FRAS1: variants seen among roughly 807,000 people sequenced by gnomAD.
FRAS1 encodes extracellular matrix organizing protein FRAS1.
Under a neutral mutation model 435.2 loss-of-function variants are expected in FRAS1, and 290 were observed. The observed-to-expected ratio is 0.67, with a 90% CI of 0.61 to 0.73. The LOEUF (loss-of-function observed/expected upper bound fraction) is 0.73. Among genes scored for constraint, FRAS1 ranks in the 30% least tolerant of loss-of-function variants. FRAS1 has a pLI of 0.00. For missense variants in FRAS1, 4,860 were observed against 5,001.5 expected, an observed-to-expected ratio of 0.97 and a Z score of 0.85; for synonymous variants, 1,800 against 1,851.0, an observed-to-expected ratio of 0.97 and a Z score of 0.71.
At chr4:78,143,754 A>T (rs919256949) in intron 2 of FRAS1, among the ~76,000 whole-genome samples, 4 of 151,334 alleles carry the variant, frequency 2.6e-5, no homozygotes, top group African/African-American at 7.3e-5. Context: ...AAAAAAAAAA[A>T]ATAGCTAAGT....
intron 23 of FRAS1, among the ~76,000 whole-genome samples, chr4:78,371,385 G>A (rs376984339): frequency 1.6e-3 from 238 of 152,250 alleles, no homozygotes; most frequent in African/African-American, 5.5e-3. Flanking sequence ...CAGTTTCTTA[G>A]CAGGAATGGA....
At chr4:78,371,784 T>C (rs774303266) in intron 23 of FRAS1, among the ~76,000 whole-genome samples, 7 of 152,228 alleles carry the variant, frequency 4.6e-5, no homozygotes, top group Non-Finnish European at 1.0e-4. Flanking sequence ...ATGAGTTTTC[T>C]GACTGCGTCA....
intron 6 of FRAS1, among the ~76,000 whole-genome samples, chr4:78,264,183 A>C (rs573606406): frequency 1.3e-5 from 2 of 152,340 alleles, no homozygotes; most frequent in African/African-American, 4.8e-5. Context: ...GTGATAAGTC[A>C]AAGTGAGAGG....
chr4:78,196,932 A>C (rs1722837743), intron 2 of FRAS1, among the ~76,000 whole-genome samples: 1 of 152,194 alleles, frequency 6.6e-6, no homozygotes, highest in African/African-American at 2.4e-5. Flanking sequence ...GAGAATGAGC[A>C]AAAATTGGTT....
At chr4:78,290,421 C>A (rs975240910) in intron 14 of FRAS1, among the ~76,000 whole-genome samples, 3 of 151,946 alleles carry the variant, frequency 2.0e-5, no homozygotes, top group Admixed American at 6.6e-5. Context: ...GCTAAACCAC[C>A]TGGACCACCT....
At chr4:78,446,990 C>G in intron 43 of FRAS1, 110 bp downstream of exon 43, 1 of 1,064,168 alleles carries the variant, frequency 9.4e-7, no homozygotes, top group East Asian at 2.7e-5. Context: ...ATGGTACATT[C>G]TTTGCATCAA....
At chr4:78,197,418 AATC>A (rs1722862997) in intron 2 of FRAS1, among the ~76,000 whole-genome samples, 1 of 152,230 alleles carries the variant, frequency 6.6e-6, no homozygotes, top group Non-Finnish European at 1.5e-5. Context: ...TAGTTTTTTT[AATC>A]ATCATCTTCA....
At chr4:78,409,015 GC>G (rs1733215057) in intron 31 of FRAS1, among the ~76,000 whole-genome samples, 1 of 72,664 alleles carries the variant, frequency 1.4e-5, no homozygotes, top group Admixed American at 1.6e-4. Context: ...GATCACTTGA[GC>G]CTGGGAGGTG....
At position 78,513,398 on chromosome 4, in the gene FRAS1, C is replaced by T. The variant is rs1170286084; in HGVS notation, c.10020C>T (p.His3340=). ...TCTGCCTTTTTCCCCCTAGAATCCA[C>T]ATTTCGGTGCAGATCCCACACCAGG... is the stretch of plus-strand genomic sequence containing the variant. ...VKHKEHPNRI[H]ISVQIPHQDG... The change falls in exon 65 of 74, where the codon CAC becomes CAT. Residue 3340 remains histidine, a synonymous_variant. Transcript: ENST00000512123. 6.2e-7 allele frequency: 1 copy of T among 1,613,724 alleles called. No individual in the cohort carries two copies.
chr4:78,365,117 G>A (rs915516964), intron 22 of FRAS1, among the ~76,000 whole-genome samples: 2 of 152,154 alleles, frequency 1.3e-5, no homozygotes, highest in Non-Finnish European at 2.9e-5. Flanking sequence ...CATCTAAAAT[G>A]AGAGGCAAAT....
intron 2 of FRAS1, among the ~76,000 whole-genome samples, chr4:78,178,799 C>T (rs996869681): frequency 2.6e-5 from 4 of 152,080 alleles, no homozygotes; most frequent in African/African-American, 9.7e-5. Flanking sequence ...GTTCCAGGTG[C>T]ACATAAAATT....
At chr4:78,291,057 C>T (rs772926363) in intron 14 of FRAS1, among the ~76,000 whole-genome samples, 16 of 152,322 alleles carry the variant, frequency 1.1e-4, no homozygotes, top group Non-Finnish European at 1.5e-4. Context: ...TGAGCCACTG[C>T]GCCCGGCCTA....
chr4:78,506,603 G>A (rs1303936025), intron 61 of FRAS1, among the ~76,000 whole-genome samples: 1 of 152,238 alleles, frequency 6.6e-6, no homozygotes, highest in African/African-American at 2.4e-5. Context: ...TAAGACTGTG[G>A]GAAAAGTGCA....
At chr4:78,113,272 G>T (rs1441206175) in intron 2 of FRAS1, among the ~76,000 whole-genome samples, 1 of 152,114 alleles carries the variant, frequency 6.6e-6, no homozygotes, top group Admixed American at 6.6e-5. Flanking sequence ...ATTGTGAATA[G>T]TGCCGCAACA....
At chr4:78,509,102 A>T in intron 63 of FRAS1, 96 bp downstream of exon 63, 1 of 1,350,190 alleles carries the variant, frequency 7.4e-7, no homozygotes, top group African/African-American at 1.5e-5. Flanking sequence ...TGGTCCATGC[A>T]TGGCATTTGG....
intron 6 of FRAS1, among the ~76,000 whole-genome samples, chr4:78,260,322 T>C (rs1208916581): frequency 6.6e-6 from 1 of 152,086 alleles, no homozygotes; most frequent in African/African-American, 2.4e-5. Flanking sequence ...ATATTGATTC[T>C]TCCTACCCAT....
intron 61 of FRAS1, among the ~76,000 whole-genome samples, chr4:78,501,971 A>G (rs1237685726): frequency 6.6e-6 from 1 of 152,202 alleles, no homozygotes; most frequent in East Asian, 1.9e-4. Context: ...CCATTTATTA[A>G]GTAGGGAATT....
chr4:78,232,335 G>T (rs1384418184), intron 2 of FRAS1, among the ~76,000 whole-genome samples: 1 of 151,592 alleles, frequency 6.6e-6, no homozygotes, highest in African/African-American at 2.4e-5. Context: ...TTCCAGGCTG[G>T]AGTGCAGTGG....
At position 78,541,506 on chromosome 4, in the gene FRAS1, TG is replaced by T. The variant is rs1353474337; in HGVS notation, c.*384del. 2 of 159,364 alleles carry T rather than the reference TG, an allele frequency of 1.3e-5. No individual in the cohort carries two copies. The highest frequency in any genetic ancestry group is 3.6e-4 in the East Asian group (2 of 5,540). 9.9% of individuals were successfully genotyped at this position (159,364 alleles called of 1,614,324 possible). A position where few individuals can be genotyped will look rare whatever the true frequency, so the allele number is the denominator to read the frequency against. ...GAGAGAAGAAGTAGGTACGGGCCTT[TG>T]GTTCCCTCCCCCAGCCCCAGCTTTC... On this transcript the variant is annotated 3_prime_UTR_variant, in exon 74 of 74. Transcript: ENST00000512123.
Sources: gnomAD v4.1 joint callset for allele counts (sites outside exome capture counted in the v4.1 genomes callset) on GRCh38, gnomAD v4.1.1 for gene constraint, MANE v1.5 for transcripts, NCBI Gene and HGNC (gene_info 2026-07-23, HGNC 2026-07-21) for gene names.